The following GRID2 variants were observed in gnomAD, a reference collection of about 807,000 sequenced individuals.
GRID2 encodes glutamate receptor ionotropic, delta-2.
Under a neutral mutation model 114.8 loss-of-function variants are expected in GRID2, and 33 were observed. The ratio of observed to expected loss-of-function variants is 0.29; its 90% CI spans 0.22 to 0.38. The LOEUF (loss-of-function observed/expected upper bound fraction) is 0.38, where lower values mean the gene tolerates loss of function less well. Ranked by LOEUF, GRID2 falls within the 10% of genes least tolerant of loss-of-function variation. The pLI is 1.00. For synonymous variants in GRID2, 505 were observed against 449.9 expected (o/e 1.12, Z -1.55); for missense variants, 1,184 against 1,257.7 (o/e 0.94, Z 0.89).
intron 8 of GRID2, among the ~76,000 whole-genome samples, chr4:93,252,329 A>ATTTTTTT (rs56056248): frequency 5.2e-4 from 62 of 119,656 alleles, no homozygotes; most frequent in Middle Eastern, 5.6e-3. Flanking sequence ...GGAATCCTTC[A>ATTTTTTT]TTTTTTTTTT....
At chr4:92,373,163 A>G (rs1729196374) in intron 1 of GRID2, among the ~76,000 whole-genome samples, 1 of 152,196 alleles carries the variant, frequency 6.6e-6, no homozygotes, top group South Asian at 2.1e-4. Flanking sequence ...AGCAGGGGTA[A>G]TTCTTTGTTT....
chr4:92,469,915 T>C (rs1235288191), intron 1 of GRID2, among the ~76,000 whole-genome samples: 1 of 151,906 alleles, frequency 6.6e-6, no homozygotes, highest in East Asian at 1.9e-4. Flanking sequence ...AAGCTGCAAA[T>C]TAGTTTAATA....
intron 3 of GRID2, among the ~76,000 whole-genome samples, chr4:93,095,749 AAAG>A (rs1731163629): frequency 1.3e-5 from 2 of 152,070 alleles, no homozygotes; most frequent in African/African-American, 4.8e-5. Flanking sequence ...AAGAGTATTT[AAAG>A]AAGAACTAAA....
chr4:92,577,350 A>T (rs1298137964), intron 1 of GRID2, among the ~76,000 whole-genome samples: 1 of 152,202 alleles, frequency 6.6e-6, no homozygotes, highest in Non-Finnish European at 1.5e-5. Context: ...TAGGATTAAG[A>T]AAAATGAGAT....
At chr4:93,391,850 TATTAC>T (rs1242292897) in intron 8 of GRID2, among the ~76,000 whole-genome samples, 1 of 152,174 alleles carries the variant, frequency 6.6e-6, no homozygotes, top group African/African-American at 2.4e-5. Flanking sequence ...GAACACAAGA[TATTAC>T]ATTAATTTTA....
intron 4 of GRID2, among the ~76,000 whole-genome samples, chr4:93,127,946 C>A (rs1397721235): frequency 7.0e-6 from 1 of 143,342 alleles, no homozygotes; most frequent in Non-Finnish European, 1.5e-5. Flanking sequence ...GTTTGATCCC[C>A]AGGGTTCAAG....
chr4:92,542,091 A>C (rs1725994624), intron 1 of GRID2, among the ~76,000 whole-genome samples: 1 of 152,154 alleles, frequency 6.6e-6, no homozygotes, highest in Non-Finnish European at 1.5e-5. Flanking sequence ...AATATTTGAA[A>C]ATGTAGTTCC....
intron 2 of GRID2, among the ~76,000 whole-genome samples, chr4:92,936,373 G>GC (rs1750672341): frequency 6.8e-6 from 1 of 146,408 alleles, no homozygotes; most frequent in African/African-American, 2.4e-5. Flanking sequence ...TATAAATCAC[G>GC]CCATTAATTA....
intron 2 of GRID2, among the ~76,000 whole-genome samples, chr4:92,911,979 C>T (rs1325164626): frequency 1.3e-5 from 2 of 151,624 alleles, no homozygotes; most frequent in African/African-American, 4.8e-5. Context: ...AAGATGCCTA[C>T]TTTATCAGCA....
rs550201425 is a variant in GRID2, at chr4:93,794,508, A to G, written c.222-12207A>G. ...GACCCAGGCGCCACGGCACCTCCAC[A>G]TCTCATCCTTCATGGCCAATGAGTC... On this transcript the variant is annotated intron_variant, in intron 1 of 1. Coordinates refer to the GRID2 transcript ENST00000637838. Among the ~76,000 whole-genome samples the G allele has an allele frequency of 7.2e-5, 11 of 152,270 alleles. No homozygotes were observed. The East Asian group carries it at 2.1e-3, about 29-fold the overall frequency.
intron 8 of GRID2, among the ~76,000 whole-genome samples, chr4:93,330,140 A>G (rs1758276789): frequency 6.6e-6 from 1 of 152,206 alleles, no homozygotes; most frequent in Non-Finnish European, 1.5e-5. Flanking sequence ...GTTTAAGAAG[A>G]ACAAACAAAA....
exon 2 of GRID2, chr4:93,809,663 T>G (rs1735094438): frequency 6.6e-6 from 1 of 152,188 alleles, no homozygotes; most frequent in African/African-American, 2.4e-5. Context: ...ATTGTTTATA[T>G]CAGTTTCCAA....
At chr4:92,926,762 A>G (rs1749838701) in intron 2 of GRID2, among the ~76,000 whole-genome samples, 1 of 151,910 alleles carries the variant, frequency 6.6e-6, no homozygotes, top group Admixed American at 6.6e-5. Context: ...GGGAAGTCCG[A>G]GATTGAGAGA....
At chr4:93,070,910 A>C (rs1728749604) in intron 2 of GRID2, among the ~76,000 whole-genome samples, 1 of 152,198 alleles carries the variant, frequency 6.6e-6, no homozygotes, top group Admixed American at 6.6e-5. Context: ...TATGAATTAA[A>C]TGTTCTAATT....
At chr4:93,781,596 C>G (rs1734480212) in intron 1 of GRID2, among the ~76,000 whole-genome samples, 1 of 152,104 alleles carries the variant, frequency 6.6e-6, no homozygotes, top group South Asian at 2.1e-4. Context: ...CAAGGATGCC[C>G]AGACCCTTAT....
chr4:93,708,365 T>C (rs1292251834), intron 14 of GRID2, among the ~76,000 whole-genome samples: 1 of 152,034 alleles, frequency 6.6e-6, no homozygotes, highest in African/African-American at 2.4e-5. Flanking sequence ...TTGCTTTATT[T>C]ACCTGTATGC....
chr4:92,787,424 T>C (rs1028367642), intron 2 of GRID2, among the ~76,000 whole-genome samples: 2 of 151,658 alleles, frequency 1.3e-5, no homozygotes, highest in Non-Finnish European at 2.9e-5. Flanking sequence ...ATGGAGATGG[T>C]TACATTTTAG....
At chr4:92,676,125 G>T (rs1033787717) in intron 2 of GRID2, among the ~76,000 whole-genome samples, 1 of 130,422 alleles carries the variant, frequency 7.7e-6, no homozygotes, top group African/African-American at 2.8e-5. Flanking sequence ...ATTTAAATCA[G>T]TTCATATGTT....
chr4:92,620,204 T>A (rs570270105), intron 2 of GRID2, among the ~76,000 whole-genome samples: 4 of 151,682 alleles, frequency 2.6e-5, no homozygotes, highest in Non-Finnish European at 5.9e-5. Context: ...TTAGGTAATA[T>A]CAAAGAGTGG....
Sources: gnomAD v4.1 joint callset for allele counts (sites outside exome capture counted in the v4.1 genomes callset) on GRCh38, gnomAD v4.1.1 for gene constraint, MANE v1.5 for transcripts, NCBI Gene and HGNC (gene_info 2026-07-23, HGNC 2026-07-21) for gene names.